The following TTN variants were observed in gnomAD, a reference collection of about 807,000 sequenced individuals.
The protein encoded by TTN is connectin.
A neutral mutation model predicts 3,223.0 loss-of-function variants in TTN; 1,525 were observed. That is an observed-to-expected ratio of 0.47 (90% CI 0.45 to 0.49). TTN has a LOEUF of 0.49. Ranked by LOEUF, TTN falls within the 20% of genes least tolerant of loss-of-function variation. The pLI is 0.00. For synonymous variants in TTN, 14,094 were observed against 15,161.0 expected, an observed-to-expected ratio of 0.93 and a Z score of 5.17; for missense variants, 40,786 against 43,424.0, an observed-to-expected ratio of 0.94 and a Z score of 5.40.
Position 178,620,804 on chromosome 2 carries a change from G to A in TTN, c.45806C>T (p.Ala15269Val), listed in dbSNP as rs1576550520. Residue 15269 changes from alanine (A) to valine (V), a missense_variant, in exon 247 of 363, where the codon GCA becomes GTA. By Grantham distance (64) the Ala-to-Val change is moderately conservative. Transcript: ENST00000589042. ...DLVYTLRIRD[A>V]HLDDQANYNV... Reference sequence around the variant, plus strand: ...ATAGTTGGCTTGGTCATCTAAGTGTGCATCTCTAATTCTGAGGGTGTAGAC... The same window carrying A: ...ATAGTTGGCTTGGTCATCTAAGTGTACATCTCTAATTCTGAGGGTGTAGAC... 6.2e-7 allele frequency: 1 copy of A among 1,612,790 alleles called. No homozygotes were observed. The highest frequency in any genetic ancestry group is 8.5e-7 in the Non-Finnish European group (1 of 1,179,142).
chr2:178,664,598 A>C (rs754945099), intron 167 of TTN, 56 bp downstream of exon 167: 22 of 1,605,528 alleles, frequency 1.4e-5, no homozygotes, highest in Non-Finnish European at 1.8e-5. Context: ...ATCAGGAAAA[A>C]CATTTATACA....
Position 178,574,701 on chromosome 2 carries a change from G to A in TTN, c.71431C>T (p.Pro23811Ser). 1.2e-6 allele frequency: 2 copies of A among 1,613,278 alleles called. No homozygotes were observed. Among genetic ancestry groups the A allele is most frequent in the African/African-American group, 1.3e-5 (1 of 74,978 alleles). Residue 23811 changes from proline (P) to serine (S), a missense_variant, in exon 326 of 363, where the codon CCA (proline) becomes TCA (serine). Pro to Ser is a moderately conservative substitution (Grantham distance 74). Transcript: ENST00000589042. Reference protein sequence around the residue: ...VKAQNRYGVGPGITSACIVAN... With the variant: ...VKAQNRYGVGSGITSACIVAN... ...ACTATGCATGCTGATGTGATGCCTG[G>A]TCCAACTCCATATCTATTCTGAGCT...
In TTN at chr2:178,609,200, T is replaced by C. The variant is rs2055702941; in HGVS notation, c.52102+8A>G. The C allele has an allele frequency of 6.7e-7, 1 of 1,493,812 alleles. No individual in the cohort carries two copies. The highest frequency in any genetic ancestry group is 8.9e-7 in the Non-Finnish European group (1 of 1,127,640). The allele number at this position is 1,493,812 out of a possible 1,614,324, so 92.5% of individuals were successfully genotyped here. ...TTTCCATTGGAAAGTGTAGTTTTAA[T>C]GACTCACCTAACACACTGACAGTAC... On this transcript the variant is annotated splice_region_variant and intron_variant, in intron 273 of 362. Coordinates refer to ENST00000589042, the MANE Select transcript of TTN (RefSeq NM_001267550.2).
Position 178,545,597 on chromosome 2 carries a change from T to C in TTN, c.95513A>G (p.Glu31838Gly), listed in dbSNP as rs1196738790. 4 of 1,613,788 alleles carry C rather than the reference T, an allele frequency of 2.5e-6. No homozygotes were observed. The highest frequency in any genetic ancestry group is 2.5e-6 in the Non-Finnish European group (3 of 1,179,740). The stretch of plus-strand genomic sequence containing the variant: ...TTTGTCTACTAGGTAGTTGCTGATT[T>C]CATTGCCACCATCAGATTCAGGTTT... Reference protein sequence around the residue: ...WTKPESDGGNEISNYLVDKRE... With the variant: ...WTKPESDGGNGISNYLVDKRE... Residue 31838 changes from glutamate (E) to glycine (G), a missense_variant, in exon 344 of 363, where the codon GAA becomes GGA. Transcript: ENST00000589042.
chr2:178,548,593 C>G lies in TTN; in HGVS notation c.93033G>C (p.Val31011=), dbSNP rs1183481814. Residue 31011 remains valine, a synonymous_variant, in exon 339 of 363, where the codon GTG becomes GTC. Coordinates refer to ENST00000589042, the MANE Select transcript of TTN (RefSeq NM_001267550.2). The surrounding 1 kb of genome is among the most constrained non-coding windows in gnomAD (Gnocchi z 4.3). ...GTGGGCCTGGAGTGTCTAGCACTTT[C>G]ACGGTGAATGTGATTGACTTACTAC... ...NSGSKSITFT[V]KVLDTPGPPG... 1.9e-6 allele frequency: 3 copies of G among 1,613,868 alleles called. No individual in the cohort carries two copies. In the Admixed American group the frequency reaches 5.0e-5, roughly 27 times the overall value.
chr2:178,617,856 C>G lies in TTN; in HGVS notation c.47495G>C (p.Arg15832Pro). 1.2e-6 allele frequency: 2 copies of G among 1,612,570 alleles called. No individual in the cohort carries two copies. The highest frequency in any genetic ancestry group is 1.7e-6 in the Non-Finnish European group (2 of 1,179,074). ...DVVEGQEYSF[R>P]VRAQNRIGVG... is the part of the protein sequence containing the mutation. ...TCCAATTCGATTTTGGGCTCTCACT[C>G]GGAAACTGTACTCCTGTCCTTCTAC... The change falls in exon 253 of 363, where the codon CGA becomes CCA. Residue 15832 changes from arginine to proline, a missense_variant. Transcript: ENST00000589042.
At chr2:178,698,154 CTG>C in intron 112 of TTN, among the ~76,000 whole-genome samples, 1 of 152,242 alleles carries the variant, frequency 6.6e-6, no homozygotes, top group East Asian at 1.9e-4. Context: ...AAGACAAAGA[CTG>C]TAAGTTCTCA....
In TTN at chr2:178,665,396, T is replaced by C; in HGVS notation, c.36024A>G (p.Pro12008=). 1 of 1,612,472 alleles carries C rather than the reference T, an allele frequency of 6.2e-7. No homozygotes were observed. Among genetic ancestry groups the C allele is most frequent in the Non-Finnish European group, 8.5e-7 (1 of 1,179,584 alleles). The change falls in exon 165 of 363, where the codon CCA becomes CCG. Residue 12008 remains proline, a synonymous_variant. Transcript: ENST00000589042. ...MKIFEDVPEE[P]ETPRMKTPEA... ...ACGTACTTTTCATACGTGGAGTTTC[T>C]GGCTCTTCAGGTACATCCTCAAATA...
At chr2:178,639,645 CT>C in intron 223 of TTN, 53 bp downstream of exon 223, 1 of 1,556,518 alleles carries the variant, frequency 6.4e-7, no homozygotes, top group Non-Finnish European at 8.8e-7. Flanking sequence ...AGTGTGAATA[CT>C]TTTATTAAGT....
At chr2:178,799,412 GA>G (rs1224123540) in intron 6 of TTN, 74 bp downstream of exon 6, 70 of 1,608,748 alleles carry the variant, frequency 4.4e-5, no homozygotes, top group Non-Finnish European at 5.8e-5. Context: ...CTGCGAGGGG[GA>G]CAAGGGAATC....
In TTN at chr2:178,732,087, T is replaced by C; in HGVS notation, c.16882A>G (p.Ser5628Gly). ...AAACCTTTGACTATTACAATGCTAC[T>C]GCAGTGGTCACTGCCAGCCTCATTT... is the stretch of plus-strand genomic sequence containing the variant. ...AQNEAGSDHCSSIVIVKESPY... is the reference protein window; with the variant it reads ...AQNEAGSDHCGSIVIVKESPY... The change falls in exon 57 of 363, where the codon AGT (serine) becomes GGT (glycine). Residue 5628 changes from serine to glycine, a missense_variant. Coordinates refer to ENST00000589042, the MANE Select transcript of TTN (RefSeq NM_001267550.2). 6.2e-7 allele frequency: 1 copy of C among 1,611,044 alleles called. No individual in the cohort carries two copies. The highest frequency in any genetic ancestry group is 1.1e-5 in the South Asian group (1 of 90,710).
Position 178,566,393 on chromosome 2 carries a change from G to A in TTN, c.79739C>T (p.Thr26580Ile). ...GLGEATSVPG[T>I]VKPEDKLEAP... ...TTCAAGTTTATCTTCTGGTTTCACA[G>A]TACCAGGAACTGATGTAGCCTCACC... The change falls in exon 326 of 363, where the codon ACT (threonine) becomes ATT (isoleucine). Residue 26580 changes from threonine to isoleucine, a missense_variant. Transcript: ENST00000589042. The A allele has an allele frequency of 6.2e-7, 1 of 1,613,472 alleles. No homozygotes were observed. Among genetic ancestry groups the A allele is most frequent in the Non-Finnish European group, 8.5e-7 (1 of 1,179,656 alleles).
In TTN at chr2:178,731,118, A is replaced by T. The variant is rs1212383991; in HGVS notation, c.17547T>A (p.Thr5849=). 2 of 1,613,576 alleles carry T rather than the reference A, an allele frequency of 1.2e-6. No homozygotes were observed. The highest frequency in any genetic ancestry group is 1.7e-6 in the Non-Finnish European group (2 of 1,179,716). ...PATLQVKFSG[T]KEITAKWFKD... The stretch of plus-strand genomic sequence containing the variant: ...TAAACCATTTGGCTGTAATCTCCTT[A>T]GTCCCTGAAAATTTAACCTGCAAAG... Residue 5849 remains threonine, a synonymous_variant, in exon 60 of 363, where the codon ACT becomes ACA. Transcript: ENST00000589042.
rs1422077520 is a variant in TTN, at chr2:178,613,866, C to T, written c.49417G>A (p.Glu16473Lys). ...GGGCTGCCACCATCATCATCTGGCT[C>T]ACACCATGTGAGAGTCACTGCGTCT... is the stretch of plus-strand genomic sequence containing the variant. ...TKDAVTLTWC[E>K]PDDDGGSPIT... The change falls in exon 263 of 363, where the codon GAG becomes AAG. Residue 16473 changes from glutamate to lysine, a missense_variant. By Grantham distance (56) the Glu-to-Lys change is moderately conservative. Transcript: ENST00000589042. 2 of 1,611,972 alleles carry T rather than the reference C, an allele frequency of 1.2e-6. No homozygotes were observed. Among genetic ancestry groups the T allele is most frequent in the Admixed American group, 1.7e-5 (1 of 59,836 alleles).
Position 178,769,853 on chromosome 2 carries a change from C to T in TTN, c.8728G>A (p.Val2910Ile). ...CCATTCTTCAGCCACATGGAAGGGA[C>T]ATTGAAGTGGGACACCTCACACTCA... ...SFECEVSHFN[V>I]PSMWLKNGVE... is the part of the protein sequence containing the mutation. The change falls in exon 37 of 363, where the codon GTC (valine) becomes ATC (isoleucine). Residue 2910 changes from valine (V) to isoleucine (I), a missense_variant. Val to Ile is a conservative substitution (Grantham distance 29, BLOSUM62 3). Coordinates refer to ENST00000589042, the MANE Select transcript of TTN (RefSeq NM_001267550.2). The T allele has an allele frequency of 6.2e-7, 1 of 1,614,092 alleles. No homozygotes were observed. Among genetic ancestry groups the T allele is most frequent in the Non-Finnish European group, 8.5e-7 (1 of 1,179,986 alleles).
Position 178,789,515 on chromosome 2 carries a change from A to G in TTN, c.1939-18T>C, listed in dbSNP as rs1295688480. On this transcript the variant is annotated intron_variant, in intron 12 of 362. Transcript: ENST00000589042. ...TTTCTCATCTGATTATTACAGTAAA[A>G]TCAAGATTTAAGTTGAACAGGGCTT... is the stretch of plus-strand genomic sequence containing the variant. 5.6e-6 allele frequency: 9 copies of G among 1,612,702 alleles called. No individual in the cohort carries two copies. The highest frequency in any genetic ancestry group is 1.3e-5 in the African/African-American group (1 of 74,864).
At position 178,616,539 on chromosome 2, in the gene TTN, T is replaced by G. The variant is rs749269667; in HGVS notation, c.48252A>C (p.Gly16084=). 1.9e-6 allele frequency: 3 copies of G among 1,612,346 alleles called. No homozygotes were observed. The highest frequency in any genetic ancestry group is 1.7e-6 in the Non-Finnish European group (2 of 1,179,010). Residue 16084 remains glycine (G), a synonymous_variant, in exon 257 of 363, where the codon GGA becomes GGC. Coordinates refer to ENST00000589042, the MANE Select transcript of TTN (RefSeq NM_001267550.2). ...CAACAACGTATCCAGTTAACGGACT[T>G]CCTCCATCATCATCAGGTGGTTCCC... ...LTWEPPDDDG[G]SPLTGYVVEK...
At chr2:178,762,269 T>C (rs1418522232) in intron 43 of TTN, among the ~76,000 whole-genome samples, 2 of 152,230 alleles carry the variant, frequency 1.3e-5, no homozygotes, top group African/African-American at 4.8e-5. Context: ...ATTTCTTTCA[T>C]ATAGAAAACA....
intron 164 of TTN, 105 bp from the exon 165 acceptor site, chr2:178,665,565 T>TTAAAGAATCTGAGGAGG: frequency 7.2e-7 from 1 of 1,381,792 alleles, no homozygotes; most frequent in South Asian, 1.3e-5. Flanking sequence ...GATGATTCCT[T>TTAAAGAATCTGAGGAGG]TAAAGAATCT....
Sources: gnomAD v4.1 joint callset for allele counts (sites outside exome capture counted in the v4.1 genomes callset) on GRCh38, gnomAD v4.1.1 for gene constraint, Gnocchi (gnomAD v3.1) non-coding constraint, MANE v1.5 for transcripts, NCBI Gene and HGNC (gene_info 2026-07-23, HGNC 2026-07-21) for gene names.